ZNF385D: variants seen among roughly 807,000 people sequenced by gnomAD.
ZNF385D encodes the protein zinc finger protein 385D.
ZNF385D carries 15 observed loss-of-function variants against 35.8 expected under a neutral mutation model. The ratio of observed to expected loss-of-function variants is 0.42; its 90% CI spans 0.28 to 0.64. The LOEUF is 0.64. ZNF385D is among the 30% of genes least tolerant of loss of function. ZNF385D has a pLI of 0.23. For missense variants in ZNF385D, 474 were observed against 494.6 expected (o/e 0.96, Z 0.39); for synonymous variants, 212 against 186.8 (o/e 1.13, Z -1.10).
At chr3:21,480,841 C>A in intron 4 of ZNF385D, among the ~76,000 whole-genome samples, 1 of 152,062 alleles carries the variant, frequency 6.6e-6, no homozygotes, top group East Asian at 1.9e-4. Flanking sequence ...GATATGTATT[C>A]GGATATGGTG....
At chr3:22,023,015 C>G (rs910102409) in intron 3 of ZNF385D, among the ~76,000 whole-genome samples, 11 of 152,152 alleles carry the variant, frequency 7.2e-5, no homozygotes, top group South Asian at 2.1e-4. Flanking sequence ...TAAAAGTACA[C>G]AGTTCTCTGT....
intron 2 of ZNF385D, among the ~76,000 whole-genome samples, chr3:21,600,714 C>T (rs1017676271): frequency 6.6e-6 from 1 of 151,380 alleles, no homozygotes; most frequent in Non-Finnish European, 1.5e-5. Flanking sequence ...ACAGAGGAAA[C>T]GAGCAGTGCA....
intron 3 of ZNF385D, among the ~76,000 whole-genome samples, chr3:21,795,248 C>T (rs1306250303): frequency 6.6e-6 from 1 of 152,170 alleles, no homozygotes; most frequent in African/African-American, 2.4e-5. Flanking sequence ...ATTATGTACA[C>T]AGTTGCTGTA....
At chr3:22,309,489 G>C (rs1247701511) in intron 2 of ZNF385D, among the ~76,000 whole-genome samples, 2 of 152,016 alleles carry the variant, frequency 1.3e-5, no homozygotes, top group Non-Finnish European at 2.9e-5. Flanking sequence ...ACTATATAGA[G>C]AGTATTAATA....
At chr3:21,429,821 C>T (rs73145213) in intron 5 of ZNF385D, among the ~76,000 whole-genome samples, 2,034 of 152,050 alleles carry the variant, frequency 0.013, 50 homozygotes, top group African/African-American at 0.046. Flanking sequence ...CATACAATTG[C>T]CAGCAATAAT....
At chr3:21,424,654 T>C (rs1282085036) in intron 6 of ZNF385D, among the ~76,000 whole-genome samples, 1 of 150,496 alleles carries the variant, frequency 6.6e-6, no homozygotes, top group Non-Finnish European at 1.5e-5. Context: ...GTCTTTTTTT[T>C]TTCCGAGCTT....
chr3:22,008,756 G>C (rs936626099), intron 3 of ZNF385D, among the ~76,000 whole-genome samples: 1 of 146,456 alleles, frequency 6.8e-6, no homozygotes, highest in African/African-American at 2.4e-5. Context: ...CACACACTGT[G>C]AGTAACAAGG....
At chr3:21,846,449 A>G (rs1268294861) in intron 3 of ZNF385D, among the ~76,000 whole-genome samples, 6 of 152,064 alleles carry the variant, frequency 3.9e-5, no homozygotes, top group Non-Finnish European at 8.8e-5. Context: ...TGTGCTCCTG[A>G]TCTTTTCTAT....
chr3:21,683,989 C>T (rs978008256), intron 1 of ZNF385D, among the ~76,000 whole-genome samples: 1 of 150,046 alleles, frequency 6.7e-6, no homozygotes, highest in Non-Finnish European at 1.5e-5. Flanking sequence ...GACTTCTGAC[C>T]TACAAAACTA....
intron 2 of ZNF385D, among the ~76,000 whole-genome samples, chr3:22,235,078 T>C (rs1179185010): frequency 1.3e-5 from 2 of 152,026 alleles, no homozygotes; most frequent in Admixed American, 1.3e-4. Context: ...CAATCAATTG[T>C]TGGTCAATAA....
chr3:21,668,838 A>G (rs62237417), intron 1 of ZNF385D, among the ~76,000 whole-genome samples: 19,500 of 152,204 alleles, frequency 0.13, 1,362 homozygotes, highest in East Asian at 0.16. Context: ...GTTTTCCCAT[A>G]TTTAAATAGA....
chr3:22,145,819 CTG>C (rs1001552477), intron 3 of ZNF385D, among the ~76,000 whole-genome samples: 3 of 152,190 alleles, frequency 2.0e-5, no homozygotes, highest in African/African-American at 7.2e-5. Flanking sequence ...TCAAAGAGCT[CTG>C]TGTCTTAGCC....
chr3:21,575,931 A>C (rs1240232572), intron 2 of ZNF385D, among the ~76,000 whole-genome samples: 1 of 152,202 alleles, frequency 6.6e-6, no homozygotes, highest in Non-Finnish European at 1.5e-5. Flanking sequence ...TATTAACAAT[A>C]GCAGTGGGAA....
intron 2 of ZNF385D, among the ~76,000 whole-genome samples, chr3:22,299,014 A>C (rs905190869): frequency 1.3e-5 from 2 of 151,972 alleles, no homozygotes; most frequent in African/African-American, 4.8e-5. Flanking sequence ...TTATGATTAC[A>C]ATATATCACA....
At chr3:22,156,463 G>C (rs1428714580) in intron 3 of ZNF385D, among the ~76,000 whole-genome samples, 1 of 152,064 alleles carries the variant, frequency 6.6e-6, no homozygotes, top group Non-Finnish European at 1.5e-5. Context: ...AACCACCAGA[G>C]CTAGGTTTAG....
At chr3:22,117,896 T>G (rs932194095) in intron 3 of ZNF385D, among the ~76,000 whole-genome samples, 13 of 152,020 alleles carry the variant, frequency 8.6e-5, no homozygotes, top group African/African-American at 2.9e-4. Context: ...AAAACGTAAT[T>G]TCATGTGGCA....
At chr3:21,991,148 G>T (rs143310212) in intron 3 of ZNF385D, among the ~76,000 whole-genome samples, 1 of 152,142 alleles carries the variant, frequency 6.6e-6, no homozygotes, top group Non-Finnish European at 1.5e-5. Context: ...TTCCTTTGCT[G>T]TCAGTGTTTT....
chr3:22,164,104 T>C (rs1706149544), intron 3 of ZNF385D, among the ~76,000 whole-genome samples: 1 of 151,956 alleles, frequency 6.6e-6, no homozygotes, highest in Non-Finnish European at 1.5e-5. Context: ...TATGTTTCTA[T>C]ATTAAGGTAA....
chr3:22,019,527 A>G (rs963013534), intron 3 of ZNF385D, among the ~76,000 whole-genome samples: 1 of 152,020 alleles, frequency 6.6e-6, no homozygotes, highest in Admixed American at 6.6e-5. Flanking sequence ...ATATGCATGA[A>G]AAATATAAGC....
Sources: allele counts gnomAD v4.1 joint callset (sites outside exome capture counted in the v4.1 genomes callset), GRCh38; gene constraint gnomAD v4.1.1; transcripts MANE v1.5; gene names NCBI Gene and HGNC (gene_info 2026-07-23, HGNC 2026-07-21).